The following CAPS2 variants were observed in gnomAD, a reference collection of about 807,000 sequenced individuals.
CAPS2 encodes calcyphosin-2.
Under a neutral mutation model 86.5 loss-of-function variants are expected in CAPS2, and 98 were observed. The ratio of observed to expected loss-of-function variants is 1.13; its 90% CI spans 0.96 to 1.34. The LOEUF (loss-of-function observed/expected upper bound fraction) is 1.34, where lower values mean the gene tolerates loss of function less well. CAPS2 is among the 40% of genes most tolerant of loss of function. CAPS2 has a pLI of 0.00. For synonymous variants in CAPS2, 210 were observed against 225.1 expected (o/e 0.93, Z 0.60); for missense variants, 729 against 686.8 (o/e 1.06, Z -0.69).
upstream of CAPS2, chr12:75,334,908 A>G: frequency 6.2e-7 from 1 of 1,612,828 alleles, no homozygotes; most frequent in Middle Eastern, 1.7e-4. Context: ...ACATGGTGAG[A>G]AAGAACCAGG....
intron 1 of CAPS2, among the ~76,000 whole-genome samples, chr12:75,340,261 CAT>C (rs111841775): frequency 0.011 from 1,629 of 151,784 alleles, 20 homozygotes; most frequent in African/African-American, 0.032. Context: ...CTGCTATAAA[CAT>C]GTGTGTGCTA....
At chr12:75,283,108 C>T (rs1279320549) in intron 15 of CAPS2, among the ~76,000 whole-genome samples, 1 of 152,116 alleles carries the variant, frequency 6.6e-6, no homozygotes. Flanking sequence ...AGTGAAATAC[C>T]TTTTAAATGA....
chr12:75,303,425 G>A (rs943707655), intron 8 of CAPS2, among the ~76,000 whole-genome samples: 5 of 152,168 alleles, frequency 3.3e-5, no homozygotes, highest in African/African-American at 1.2e-4. Flanking sequence ...AGATAGAGAG[G>A]TTAACCTGGT....
chr12:75,299,446 A>G (rs1208214904), intron 9 of CAPS2, among the ~76,000 whole-genome samples: 1 of 152,154 alleles, frequency 6.6e-6, no homozygotes, highest in Non-Finnish European at 1.5e-5. Context: ...ATAGATTTAA[A>G]AATTATTTTC....
intron 1 of CAPS2, chr12:75,369,511 A>G (rs545827854): frequency 4.1e-6 from 4 of 978,574 alleles, no homozygotes. Flanking sequence ...TGCTATTAGA[A>G]TGGTAAACTG....
chr12:75,325,151 T>G lies in CAPS2; in HGVS notation c.131+88A>C, dbSNP rs2040644794. ...TCTGTGGTTCACAATCATAGCTACA[T>G]TTATAATTTTGCTTTGTTTTTTAAC... is the stretch of plus-strand genomic sequence containing the variant. On this transcript the variant is annotated intron_variant, in intron 2 of 16. Coordinates refer to ENST00000393284, the Ensembl canonical transcript of CAPS2. 4 of 1,249,592 alleles carry G rather than the reference T, an allele frequency of 3.2e-6. No homozygotes were observed. The Admixed American group carries it at 1.1e-4, about 35-fold the overall frequency. 77.4% of individuals were successfully genotyped at this position (1,249,592 alleles called of 1,614,324 possible).
chr12:75,315,446 G>T (rs2039658623), intron 6 of CAPS2, among the ~76,000 whole-genome samples: 1 of 152,040 alleles, frequency 6.6e-6, no homozygotes, highest in South Asian at 2.1e-4. Context: ...TTAAGTAAAA[G>T]AACTCACAAA....
intron 1 of CAPS2, chr12:75,370,247 T>C: frequency 3.7e-6 from 3 of 804,486 alleles, no homozygotes; most frequent in Non-Finnish European, 6.2e-6. Context: ...ATATAACTTA[T>C]CATCACTTTG....
At chr12:75,316,182 T>C in intron 6 of CAPS2, 130 bp downstream of exon 6, 1 of 1,151,464 alleles carries the variant, frequency 8.7e-7, no homozygotes, top group Non-Finnish European at 1.2e-6. Context: ...GGACTCAATT[T>C]TCCATTAATG....
intron 1 of CAPS2, among the ~76,000 whole-genome samples, chr12:75,380,038 T>C (rs1483990424): frequency 6.6e-6 from 1 of 151,980 alleles, no homozygotes; most frequent in Non-Finnish European, 1.5e-5. Flanking sequence ...ATGTATTATG[T>C]ATATTTTTAT....
At chr12:75,364,801 G>A (rs1366939412) in intron 1 of CAPS2, 1 of 151,962 alleles carries the variant, frequency 6.6e-6, no homozygotes, top group Non-Finnish European at 1.5e-5. Context: ...TGTGTCCCAA[G>A]GTGTCTGATA....
At chr12:75,300,449 A>G (rs1225226867) in intron 8 of CAPS2, among the ~76,000 whole-genome samples, 1 of 148,986 alleles carries the variant, frequency 6.7e-6, no homozygotes, top group African/African-American at 2.5e-5. Context: ...TCAGCTACTC[A>G]GGAGGCTGAG....
At chr12:75,371,959 C>T (rs1347032324) in intron 1 of CAPS2, among the ~76,000 whole-genome samples, 1 of 152,146 alleles carries the variant, frequency 6.6e-6, no homozygotes, top group Non-Finnish European at 1.5e-5. Context: ...GTATTCCATA[C>T]ATACTCTTCC....
At chr12:75,317,859 CCTT>C (rs1201715210) in intron 5 of CAPS2, among the ~76,000 whole-genome samples, 1 of 151,896 alleles carries the variant, frequency 6.6e-6, no homozygotes, top group African/African-American at 2.4e-5. Context: ...TTAAAATCTG[CCTT>C]CTTATCAAAT....
chr12:75,286,874 C>T (rs2034965082), intron 14 of CAPS2, among the ~76,000 whole-genome samples: 1 of 151,312 alleles, frequency 6.6e-6, no homozygotes, highest in Admixed American at 6.6e-5. Flanking sequence ...TAATATGTTC[C>T]CTCTATGTTA....
At chr12:75,330,136 C>G, upstream of CAPS2, 1 of 344,460 alleles carries the variant, frequency 2.9e-6, no homozygotes, top group Non-Finnish European at 5.2e-6. Flanking sequence ...GGTCGTCGGC[C>G]CAAGTCCCTT....
At chr12:75,306,191 A>C in intron 7 of CAPS2, 1 of 766,790 alleles carries the variant, frequency 1.3e-6, no homozygotes, top group Non-Finnish European at 2.2e-6. Flanking sequence ...CCCGGCCCCT[A>C]CGTGGAGCAG....
chr12:75,326,381 C>CA, intron 1 of CAPS2, 37 bp downstream of exon 2: 1 of 787,734 alleles, frequency 1.3e-6, no homozygotes, highest in East Asian at 2.7e-5. Flanking sequence ...ATTTATAAGT[C>CA]ATCCTGAAAG....
chr12:75,373,431 A>G (rs2044481153), intron 1 of CAPS2: 1 of 152,226 alleles, frequency 6.6e-6, no homozygotes, highest in South Asian at 2.1e-4. Flanking sequence ...TTTCTTTGTC[A>G]TCAATTTTCC....
Sources: gnomAD v4.1 joint callset for allele counts (sites outside exome capture counted in the v4.1 genomes callset) on GRCh38, gnomAD v4.1.1 for gene constraint, MANE v1.5 for transcripts, NCBI Gene and HGNC (gene_info 2026-07-23, HGNC 2026-07-21) for gene names.